Variants in PHF12 observed in about 807,000 individuals in gnomAD.
The protein encoded by PHF12 is PHD finger protein 12.
PHF12 carries 6 observed loss-of-function variants against 99.8 expected under a neutral mutation model. The observed-to-expected ratio is 0.06, with a 90% CI of 0.03 to 0.12. The LOEUF (loss-of-function observed/expected upper bound fraction) is 0.12, where lower values mean the gene tolerates loss of function less well. PHF12 is among the 10% of genes least tolerant of loss of function. The probability of loss-of-function intolerance (pLI) is 1.00; values close to 1 mark genes in which losing one functional copy is unlikely to be tolerated. For missense variants in PHF12, 954 were observed against 1,300.1 expected, an observed-to-expected ratio of 0.73 and a Z score of 4.09; for synonymous variants, 480 against 514.9, an observed-to-expected ratio of 0.93 and a Z score of 0.92.
In PHF12 at chr17:28,906,146, G is replaced by GT. The variant is rs751611262; in HGVS notation, c.*36dup. The GT allele has an allele frequency of 6.5e-7, 1 of 1,546,744 alleles. No homozygotes were observed. Among genetic ancestry groups the GT allele is most frequent in the Admixed American group, 1.9e-5 (1 of 53,596 alleles). On this transcript the variant is annotated 3_prime_UTR_variant, in exon 15 of 15. Transcript: ENST00000332830. This position sits in a 1 kb window ranked among gnomAD's most constrained non-coding sequence, Gnocchi z 4.2. ...CATTTTTGCATTGCAGGAGTCTTGG[G>GT]TGGGTGTACAGGCCAGTGGCGGGGT...
Position 28,926,763 on chromosome 17 carries a change from G to C in PHF12, c.321+228C>G, listed in dbSNP as rs543984275. The stretch of plus-strand genomic sequence containing the variant: ...CTCCTGTCACTAGTGACTAAACATG[G>C]CTCAGTAAGTTAACACACCTCTTCT... On this transcript the variant is annotated intron_variant, in intron 3 of 14. Coordinates refer to ENST00000332830, the MANE Select transcript of PHF12 (RefSeq NM_001033561.2). The C allele has an allele frequency of 9.3e-6, 14 of 1,499,228 alleles. No individual in the cohort carries two copies. The African/African-American group carries it at 1.9e-4, about 21-fold the overall frequency. The allele number at this position is 1,499,228 out of a possible 1,614,324, so 92.9% of individuals were successfully genotyped here.
rs2040293602 is a variant in PHF12, at chr17:28,927,083, G to A, written c.249-20C>T. The A allele has an allele frequency of 3.1e-6, 5 of 1,604,896 alleles. No individual in the cohort carries two copies. Among genetic ancestry groups the A allele is most frequent in the Admixed American group, 1.7e-5 (1 of 59,804 alleles). On this transcript the variant is annotated intron_variant, in intron 2 of 14. Transcript: ENST00000332830. The stretch of plus-strand genomic sequence containing the variant: ...GGGTTACTGTGGGGAACAGACAAGG[G>A]CAAGACTAAATAACTAGCCCTTTGA...
intron 5 of PHF12, among the ~76,000 whole-genome samples, chr17:28,921,050 GT>G (rs2040154257): frequency 6.6e-6 from 1 of 150,540 alleles, no homozygotes; most frequent in African/African-American, 2.4e-5. Context: ...ATTTTTTTTT[GT>G]TTGTTTGAAT....
Position 28,906,815 on chromosome 17 carries a change from G to A in PHF12, c.2680+41C>T. The stretch of plus-strand genomic sequence containing the variant: ...CAGCAAGTCAGAACCACCCTGACTG[G>A]GGCCTCAGCTTTGTGGCCACAGATC... On this transcript the variant is annotated intron_variant, in intron 14 of 14. Coordinates refer to ENST00000332830, the MANE Select transcript of PHF12 (RefSeq NM_001033561.2). The surrounding 1 kb of genome is among the most constrained non-coding windows in gnomAD (Gnocchi z 4.2). 12 of 1,560,634 alleles carry A rather than the reference G, an allele frequency of 7.7e-6. No homozygotes were observed. The highest frequency in any genetic ancestry group is 9.6e-6 in the Non-Finnish European group (11 of 1,150,570).
chr17:28,914,671 C>CAAAAAAAAAAAAAAA (rs61203588), intron 7 of PHF12, among the ~76,000 whole-genome samples: 2 of 30,324 alleles, frequency 6.6e-5, no homozygotes, highest in Non-Finnish European at 1.3e-4. Context: ...GACTCCGTCT[C>CAAAAAAAAAAAAAAA]AAAAAAAAAA....
chr17:28,938,715 C>G (rs2040555765), intron 2 of PHF12, among the ~76,000 whole-genome samples: 7 of 152,296 alleles, frequency 4.6e-5, no homozygotes, highest in Admixed American at 2.6e-4. Flanking sequence ...CAATTCCACT[C>G]ATAAACATCA....
chr17:28,919,935 C>G (rs1176527963), intron 5 of PHF12, among the ~76,000 whole-genome samples: 2 of 152,138 alleles, frequency 1.3e-5, no homozygotes, highest in Non-Finnish European at 2.9e-5. Flanking sequence ...AAACAGTGAA[C>G]TCTGCTCTGA....
chr17:28,926,777 C>T (rs1657941398), intron 3 of PHF12: 1 of 1,519,728 alleles, frequency 6.6e-7, no homozygotes, highest in Admixed American at 2.0e-5. Context: ...AGTAAGTTAA[C>T]ACACCTCTTC....
intron 9 of PHF12, among the ~76,000 whole-genome samples, chr17:28,911,718 C>T (rs947848698): frequency 1.3e-5 from 2 of 152,166 alleles, no homozygotes; most frequent in Non-Finnish European, 2.9e-5. Context: ...ATCTGGTTAC[C>T]GAGACTCCCA....
At chr17:28,947,059 C>T (rs1408401096) in intron 2 of PHF12, among the ~76,000 whole-genome samples, 1 of 151,694 alleles carries the variant, frequency 6.6e-6, no homozygotes, top group Non-Finnish European at 1.5e-5. Flanking sequence ...TCTCGGCTCA[C>T]TACAACCTCT....
rs745632852 is a variant in PHF12, at chr17:28,927,013, T to C, written c.299A>G (p.His100Arg). ...EMLPPGEWMC[H>R]RCTVRRKKRE... ...TACCTTTCGGCGAACAGTGCACCGG[T>C]GACACATCCACTCTCCAGGAGGCAA... Residue 100 changes from histidine (H) to arginine (R), a missense_variant, in exon 3 of 15, where the codon CAC becomes CGC. His to Arg is a conservative substitution (Grantham distance 29, BLOSUM62 0). Transcript: ENST00000332830. The C allele has an allele frequency of 6.2e-7, 1 of 1,614,152 alleles. No individual in the cohort carries two copies. The highest frequency in any genetic ancestry group is 8.5e-7 in the Non-Finnish European group (1 of 1,180,000).
At position 28,912,569 on chromosome 17, in the gene PHF12, G is replaced by A. The variant is rs544498217; in HGVS notation, c.2002C>T (p.Arg668Trp). The A allele has an allele frequency of 8.9e-5, 144 of 1,614,188 alleles. 2 individuals carry two copies. In the South Asian group the frequency reaches 1.4e-3, roughly 15 times the overall value. Reference sequence around the variant, plus strand: ...GCTGCTTGCGGGGGAGTGAGCACCCGGGTGGCGTTTGGGGGTGAGCCCAGT... The same window carrying A: ...GCTGCTTGCGGGGGAGTGAGCACCCAGGTGGCGTTTGGGGGTGAGCCCAGT... ...RPLGSPPNAT[R>W]VLTPPQAAGD... The change falls in exon 9 of 15, where the codon CGG becomes TGG. Residue 668 changes from arginine to tryptophan, a missense_variant. Around this residue, in one of 8 missense-constraint regions of PHF12, gnomAD observed 392 missense variants for 423.1 expected, o/e 0.93. Transcript: ENST00000332830.
chr17:28,950,479 T>C lies in PHF12; in HGVS notation c.67-233A>G. On this transcript the variant is annotated intron_variant, in intron 1 of 14. Coordinates refer to ENST00000332830, the MANE Select transcript of PHF12 (RefSeq NM_001033561.2). This position sits in a 1 kb window ranked among gnomAD's most constrained non-coding sequence, Gnocchi z 5.7. ...TCTTCCAAATGGGGAGGATCAAGGG[T>C]AGGGGGATGGGAAGAGGGTGCGCGG... 1 of 579,484 alleles carries C rather than the reference T, an allele frequency of 1.7e-6. No individual in the cohort carries two copies. Among genetic ancestry groups the C allele is most frequent in the Non-Finnish European group, 3.0e-6 (1 of 328,434 alleles). The allele number at this position is 579,484 out of a possible 1,614,324, so 35.9% of individuals were successfully genotyped here. A position where few individuals can be genotyped will look rare whatever the true frequency, so the allele number is the denominator to read the frequency against.
intron 11 of PHF12, 195 bp from the exon 12 acceptor site, chr17:28,909,076 C>A: frequency 1.7e-6 from 1 of 601,836 alleles, no homozygotes; most frequent in Non-Finnish European, 3.0e-6. Flanking sequence ...ATTTCCAACA[C>A]AGGGTACAGA....
intron 2 of PHF12, among the ~76,000 whole-genome samples, chr17:28,938,861 T>C (rs1244702543): frequency 3.3e-5 from 5 of 152,164 alleles, no homozygotes; most frequent in African/African-American, 1.2e-4. Context: ...GACCTATTTA[T>C]GAGTTGAACA....
At chr17:28,917,792 G>C (rs2040089434) in intron 6 of PHF12, among the ~76,000 whole-genome samples, 1 of 152,136 alleles carries the variant, frequency 6.6e-6, no homozygotes, top group Admixed American at 6.5e-5. Context: ...TCTAATAGCA[G>C]CACAGGTTTC....
chr17:28,910,095 A>C (rs146920329), intron 11 of PHF12, 131 bp downstream of exon 11: 2 of 1,351,854 alleles, frequency 1.5e-6, no homozygotes, highest in Non-Finnish European at 2.1e-6. Context: ...ATGGTGCTTT[A>C]TTAAGCCCAT....
Position 28,951,159 on chromosome 17 carries a change from G to T in PHF12, c.-199C>A, listed in dbSNP as rs956151854. ...CAGCGTCCTCCCGACGGGCCGCGAGGGGGGAGCGGCCCCTCAGTCCCGGCC... is the reference window on the plus strand; with the variant it reads ...CAGCGTCCTCCCGACGGGCCGCGAGTGGGGAGCGGCCCCTCAGTCCCGGCC... On this transcript the variant is annotated 5_prime_UTR_variant, in exon 1 of 15. Transcript: ENST00000332830. 26 of 1,427,968 alleles carry T rather than the reference G, an allele frequency of 1.8e-5. No homozygotes were observed. Among genetic ancestry groups the T allele is most frequent in the South Asian group, 1.5e-4 (10 of 67,704 alleles). The allele number at this position is 1,427,968 out of a possible 1,614,324, so 88.5% of individuals were successfully genotyped here. A position where few individuals can be genotyped will look rare whatever the true frequency, so the allele number is the denominator to read the frequency against.
In PHF12 at chr17:28,906,841, T is replaced by G; in HGVS notation, c.2680+15A>C. ...GGCCTCAGCTTTGTGGCCACAGATC[T>G]CTGCTCCAACTTACTGATGACACTC... On this transcript the variant is annotated intron_variant, in intron 14 of 14. Transcript: ENST00000332830. The surrounding 1 kb of genome is among the most constrained non-coding windows in gnomAD (Gnocchi z 4.2). 5.7e-6 allele frequency: 9 copies of G among 1,584,858 alleles called. No individual in the cohort carries two copies. The highest frequency in any genetic ancestry group is 7.7e-6 in the Non-Finnish European group (9 of 1,164,190).
Sources: allele counts gnomAD v4.1 joint callset (sites outside exome capture counted in the v4.1 genomes callset), GRCh38; gene constraint gnomAD v4.1.1; regional missense constraint gnomAD v4.1.1; non-coding constraint Gnocchi (gnomAD v3.1); transcripts MANE v1.5; gene names NCBI Gene and HGNC (gene_info 2026-07-23, HGNC 2026-07-21).